The following NPHP1 variants were observed in gnomAD, a reference collection of about 807,000 sequenced individuals.
The protein encoded by NPHP1 is nephrocystin 1.
A neutral mutation model predicts 90.4 loss-of-function variants in NPHP1; 70 were observed. That is an observed-to-expected ratio of 0.77 (90% CI 0.64 to 0.95). The LOEUF is 0.95. Among genes scored for constraint, NPHP1 ranks in the 40% least tolerant of loss-of-function variants. The pLI is 0.00. For missense variants in NPHP1, 764 were observed against 795.9 expected, an observed-to-expected ratio of 0.96 and a Z score of 0.48; for synonymous variants, 256 against 271.7, an observed-to-expected ratio of 0.94 and a Z score of 0.57.
chr2:110,139,975 G>C lies in NPHP1; in HGVS notation c.1529+3567C>G, dbSNP rs17842061. On this transcript the variant is annotated intron_variant, in intron 16 of 19. Transcript: ENST00000445609. ...GCACAGGCTCAGTGATGTCCAAAAG[G>C]GCCCAGGCTGGTGCCTAGTCTCTTA... Among the ~76,000 whole-genome samples the C allele has an allele frequency of 5.5e-3, 830 of 152,162 alleles. 13 individuals carry two copies. The highest frequency in any genetic ancestry group is 0.017 in the African/African-American group (711 of 41,526).
chr2:110,139,579 G>T (rs540188700), intron 16 of NPHP1, among the ~76,000 whole-genome samples: 1 of 152,278 alleles, frequency 6.6e-6, no homozygotes, highest in Non-Finnish European at 1.5e-5. Context: ...ACATGTGTAG[G>T]ACTGCTGGCT....
chr2:110,129,027 A>C (rs1358398739), intron 18 of NPHP1, 159 bp downstream of exon 18: 12 of 657,444 alleles, frequency 1.8e-5, no homozygotes, highest in Non-Finnish European at 2.5e-5. Context: ...ATTTATGCTA[A>C]GATGGGAAAG....
intron 6 of NPHP1, among the ~76,000 whole-genome samples, chr2:110,165,576 T>A (rs2104563659): frequency 6.6e-6 from 1 of 151,786 alleles, no homozygotes; most frequent in East Asian, 1.9e-4. Context: ...AAATCAAAAA[T>A]CATAAGTGGA....
intron 2 of NPHP1, among the ~76,000 whole-genome samples, chr2:110,194,339 C>T (rs1684985696): frequency 6.6e-6 from 1 of 152,086 alleles, no homozygotes; most frequent in East Asian, 1.9e-4. Context: ...CCACCGATCC[C>T]ACAGAAATAC....
intron 1 of NPHP1, chr2:110,202,602 A>C (rs925616533): frequency 3.7e-6 from 1 of 267,612 alleles, no homozygotes. Context: ...AGTTTGTTTT[A>C]ATAATCATTT....
intron 1 of NPHP1, among the ~76,000 whole-genome samples, chr2:110,201,975 G>T (rs1553498040): frequency 6.6e-6 from 1 of 152,048 alleles, no homozygotes; most frequent in Non-Finnish European, 1.5e-5. Context: ...AACCTGTTTT[G>T]ATATTTTTCC....
intron 16 of NPHP1, among the ~76,000 whole-genome samples, chr2:110,140,710 T>C (rs1680558495): frequency 6.6e-6 from 1 of 152,122 alleles, no homozygotes; most frequent in East Asian, 1.9e-4. Context: ...ACTACTACTG[T>C]GCTGCTTTCT....
At chr2:110,155,731 C>T (rs928197444) in intron 11 of NPHP1, among the ~76,000 whole-genome samples, 2 of 152,132 alleles carry the variant, frequency 1.3e-5, no homozygotes, top group African/African-American at 4.8e-5. Context: ...GGAATGGCTG[C>T]ATTTACCCAA....
At chr2:110,127,027 G>A (rs1679418141) in intron 18 of NPHP1, 2 of 152,352 alleles carry the variant, frequency 1.3e-5, no homozygotes, top group Non-Finnish European at 2.9e-5. Flanking sequence ...CTTTCTTCTG[G>A]AACAAAAAGA....
At chr2:110,160,993 C>T (rs561265352) in intron 10 of NPHP1, among the ~76,000 whole-genome samples, 29 of 152,146 alleles carry the variant, frequency 1.9e-4, no homozygotes, top group Non-Finnish European at 4.0e-4. Context: ...TGGCAAAACC[C>T]CATCTTTACA....
intron 16 of NPHP1, among the ~76,000 whole-genome samples, chr2:110,142,451 C>T (rs923689440): frequency 4.0e-5 from 6 of 151,638 alleles, no homozygotes; most frequent in African/African-American, 1.2e-4. Flanking sequence ...AAGCAATCCT[C>T]AAGCAATCCT....
intron 11 of NPHP1, among the ~76,000 whole-genome samples, chr2:110,156,478 C>A (rs1156581227): frequency 6.6e-6 from 1 of 151,566 alleles, no homozygotes; most frequent in Non-Finnish European, 1.5e-5. Context: ...AGCGTGAGAA[C>A]AAACTAATAC....
chr2:110,164,670 A>T lies in NPHP1; in HGVS notation c.771+18T>A, dbSNP rs1446639138. 1.9e-6 allele frequency: 3 copies of T among 1,613,912 alleles called. No individual in the cohort carries two copies. The Admixed American group carries it at 5.0e-5, about 27-fold the overall frequency. ...GGTAGCAAAACGAGACATGATTAACAAGACAGAAGATGCCCGCCTCTGAAA... is the reference window on the plus strand; with the variant it reads ...GGTAGCAAAACGAGACATGATTAACTAGACAGAAGATGCCCGCCTCTGAAA... On this transcript the variant is annotated intron_variant, in intron 8 of 19. Transcript: ENST00000445609.
intron 16 of NPHP1, among the ~76,000 whole-genome samples, chr2:110,138,094 T>A (rs1317498520): frequency 2.0e-5 from 3 of 151,670 alleles, no homozygotes; most frequent in Non-Finnish European, 4.4e-5. Context: ...AAACACCGCA[T>A]GTTCTCACTT....
chr2:110,130,700 T>C (rs1052416067), intron 17 of NPHP1, among the ~76,000 whole-genome samples: 15 of 152,184 alleles, frequency 9.9e-5, no homozygotes, highest in African/African-American at 3.6e-4. Context: ...AACACATGCA[T>C]GTCTTCTTTC....
intron 18 of NPHP1, 90 bp downstream of exon 18, chr2:110,129,096 A>C (rs1306460799): frequency 1.2e-6 from 1 of 805,170 alleles, no homozygotes; most frequent in African/African-American, 2.0e-5. Context: ...CCTAGTAACA[A>C]AAAAAAAGGC....
intron 2 of NPHP1, 31 bp from the exon 3 acceptor site, chr2:110,179,715 A>AT: frequency 1.0e-6 from 1 of 981,434 alleles, no homozygotes; most frequent in Non-Finnish European, 1.6e-6. Context: ...AAATATATTG[A>AT]TTTTTCTATT....
intron 2 of NPHP1, among the ~76,000 whole-genome samples, chr2:110,192,657 C>T (rs1044158127): frequency 5.3e-5 from 8 of 151,926 alleles, no homozygotes; most frequent in South Asian, 2.1e-4. Flanking sequence ...ATACAGAAAA[C>T]GCCACAAAGA....
chr2:110,194,265 C>T (rs1351347897), intron 2 of NPHP1, among the ~76,000 whole-genome samples: 3 of 151,512 alleles, frequency 2.0e-5, no homozygotes, highest in Non-Finnish European at 2.9e-5. Context: ...GCTAGCAAGA[C>T]TAATAAAGAA....
Sources: gnomAD v4.1 joint callset for allele counts (sites outside exome capture counted in the v4.1 genomes callset) on GRCh38, gnomAD v4.1.1 for gene constraint, MANE v1.5 for transcripts, NCBI Gene and HGNC (gene_info 2026-07-23, HGNC 2026-07-21) for gene names.